The following WWOX variants were observed in gnomAD, a reference collection of about 807,000 sequenced individuals.
The protein encoded by WWOX is WW domain-containing oxidoreductase.
Under a neutral mutation model 46.2 loss-of-function variants are expected in WWOX, and 69 were observed. The observed-to-expected ratio is 1.49, with a 90% confidence interval of 1.23 to 1.82. The LOEUF (loss-of-function observed/expected upper bound fraction) is 1.82, where lower values mean the gene tolerates loss of function less well. Ranked by LOEUF, WWOX falls within the 40% of genes most tolerant of loss-of-function variation. WWOX has a pLI of 0.00. For synonymous variants in WWOX, 359 were observed against 202.6 expected (o/e 1.77, Z -6.56); for missense variants, 919 against 542.6 (o/e 1.69, Z -6.89).
chr16:78,604,300 C>T (rs976930279), intron 8 of WWOX, among the ~76,000 whole-genome samples: 8 of 152,148 alleles, frequency 5.3e-5, no homozygotes, highest in Admixed American at 2.0e-4. Context: ...CATGGTCTTA[C>T]ATCTTGTCCT....
chr16:78,774,227 C>G (rs139096761), intron 8 of WWOX, among the ~76,000 whole-genome samples: 3 of 152,074 alleles, frequency 2.0e-5, no homozygotes, highest in African/African-American at 4.8e-5. Context: ...ATGGTGAAAC[C>G]CTGTCTCTAC....
At chr16:78,741,312 G>C (rs1239613003) in intron 8 of WWOX, among the ~76,000 whole-genome samples, 1 of 152,216 alleles carries the variant, frequency 6.6e-6, no homozygotes, top group Non-Finnish European at 1.5e-5. Flanking sequence ...TGTAATCCCA[G>C]CATTTTGGGA....
intron 8 of WWOX, chr16:78,691,308 G>A (rs2047982445): frequency 1.4e-6 from 1 of 700,592 alleles, no homozygotes; most frequent in Admixed American, 2.0e-5. Flanking sequence ...TTCTTACCTT[G>A]TAAAAGATTT....
intron 8 of WWOX, among the ~76,000 whole-genome samples, chr16:78,663,713 C>G (rs1440738908): frequency 1.3e-5 from 2 of 152,072 alleles, no homozygotes; most frequent in East Asian, 3.9e-4. Flanking sequence ...GGAAAGAAAA[C>G]AGATAGTGAT....
intron 8 of WWOX, among the ~76,000 whole-genome samples, chr16:78,465,239 T>C (rs1938165266): frequency 6.6e-6 from 1 of 152,260 alleles, no homozygotes; most frequent in South Asian, 2.1e-4. Flanking sequence ...TTGCTATTTC[T>C]AAGGCAGATG....
chr16:78,973,928 T>C (rs2046521740), intron 8 of WWOX, among the ~76,000 whole-genome samples: 1 of 152,218 alleles, frequency 6.6e-6, no homozygotes, highest in South Asian at 2.1e-4. Flanking sequence ...CTTCGGCGTG[T>C]TTATTTAATT....
In WWOX at chr16:78,699,446, G is replaced by C. The variant is rs192827260; in HGVS notation, c.1056+266694G>C. ...CCCAGCTACTTGGGAGGCTGAAGTGGGAAGATATCCTGAGCCCAGGAGGCA... is the reference window on the plus strand; with the variant it reads ...CCCAGCTACTTGGGAGGCTGAAGTGCGAAGATATCCTGAGCCCAGGAGGCA... On this transcript the variant is annotated intron_variant, in intron 8 of 8. Coordinates refer to ENST00000566780, the MANE Select transcript of WWOX (RefSeq NM_016373.4). 1.2e-3 allele frequency among the ~76,000 whole-genome samples: 188 copies of C among 152,248 alleles called. 2 individuals carry two copies. The highest frequency in any genetic ancestry group is 4.4e-3 in the African/African-American group (183 of 41,544).
At chr16:78,660,708 A>G (rs1281236310) in intron 8 of WWOX, among the ~76,000 whole-genome samples, 3 of 152,194 alleles carry the variant, frequency 2.0e-5, no homozygotes, top group Non-Finnish European at 4.4e-5. Flanking sequence ...TTTCATTCCC[A>G]GACCTCTCTC....
At chr16:78,396,370 A>G (rs2082287037) in intron 6 of WWOX, among the ~76,000 whole-genome samples, 1 of 152,228 alleles carries the variant, frequency 6.6e-6, no homozygotes, top group South Asian at 2.1e-4. Context: ...ATAAATGAAA[A>G]TGTGTTCGAA....
intron 8 of WWOX, among the ~76,000 whole-genome samples, chr16:79,046,188 C>T (rs2048062439): frequency 1.3e-5 from 2 of 152,148 alleles, no homozygotes; most frequent in South Asian, 4.1e-4. Flanking sequence ...GAGAAGTAGC[C>T]ACTGTTATTA....
chr16:78,479,672 G>A (rs2084440841), intron 8 of WWOX, among the ~76,000 whole-genome samples: 1 of 152,204 alleles, frequency 6.6e-6, no homozygotes, highest in African/African-American at 2.4e-5. Context: ...AGGTTCATCT[G>A]TAGAATATGG....
chr16:78,846,993 G>A (rs983694188), intron 8 of WWOX, among the ~76,000 whole-genome samples: 5 of 152,190 alleles, frequency 3.3e-5, no homozygotes, highest in African/African-American at 7.2e-5. Flanking sequence ...AATTGTTCCG[G>A]CTTTGGCCCA....
In WWOX at chr16:78,541,758, G is replaced by A. The variant is rs145099488; in HGVS notation, c.1056+109006G>A. On this transcript the variant is annotated intron_variant, in intron 8 of 8. Coordinates refer to ENST00000566780, the MANE Select transcript of WWOX (RefSeq NM_016373.4). ...GTTACAATAATACCCACCTCCCAGG[G>A]TTATATGTCAATGGGTTAGGCACAG... Among the ~76,000 whole-genome samples the A allele has an allele frequency of 5.0e-3, 766 of 151,970 alleles. 10 individuals are homozygous for A. The highest frequency in any genetic ancestry group is 0.018 in the African/African-American group (744 of 41,492).
At chr16:78,738,922 C>T (rs1432927183) in intron 8 of WWOX, among the ~76,000 whole-genome samples, 2 of 152,148 alleles carry the variant, frequency 1.3e-5, no homozygotes, top group South Asian at 2.1e-4. Flanking sequence ...CATTTGCCTT[C>T]ATTGCTGGGG....
chr16:78,590,030 C>G (rs188937370), intron 8 of WWOX, among the ~76,000 whole-genome samples: 1 of 152,220 alleles, frequency 6.6e-6, no homozygotes, highest in Admixed American at 6.5e-5. Context: ...GTGTCACGCA[C>G]TGTGATAAGT....
At chr16:78,964,587 G>A (rs923847776) in intron 8 of WWOX, among the ~76,000 whole-genome samples, 3 of 152,206 alleles carry the variant, frequency 2.0e-5, no homozygotes, top group Non-Finnish European at 4.4e-5. Flanking sequence ...TGGAAAATTT[G>A]CAGTCTGATT....
At chr16:78,336,563 G>A (rs934227363) in intron 5 of WWOX, among the ~76,000 whole-genome samples, 1 of 149,058 alleles carries the variant, frequency 6.7e-6, no homozygotes, top group South Asian at 2.2e-4. Flanking sequence ...GGGAGCAAAG[G>A]AGTCTTGTGG....
intron 8 of WWOX, among the ~76,000 whole-genome samples, chr16:78,647,724 G>A (rs2046877116): frequency 6.6e-6 from 1 of 152,178 alleles, no homozygotes; most frequent in African/African-American, 2.4e-5. Context: ...GCTCCTGGCT[G>A]GTAAGTGGCA....
At chr16:79,176,927 C>T (rs2050811595) in intron 8 of WWOX, among the ~76,000 whole-genome samples, 1 of 152,178 alleles carries the variant, frequency 6.6e-6, no homozygotes. Flanking sequence ...CTGTGAAATG[C>T]ACCCTTTCCC....
Sources: allele counts gnomAD v4.1 joint callset (sites outside exome capture counted in the v4.1 genomes callset), GRCh38; gene constraint gnomAD v4.1.1; transcripts MANE v1.5; gene names NCBI Gene and HGNC (gene_info 2026-07-23, HGNC 2026-07-21).